Variants in ERP44 observed in about 807,000 individuals in gnomAD.
ERP44 encodes the protein endoplasmic reticulum protein 44, also known as endoplasmic reticulum resident protein 44.
ERP44 carries 25 observed loss-of-function variants against 53.4 expected under a neutral mutation model. The ratio of observed to expected loss-of-function variants is 0.47; its 90% confidence interval spans 0.34 to 0.65. The LOEUF (loss-of-function observed/expected upper bound fraction) is 0.65. Ranked by LOEUF, ERP44 falls within the 30% of genes least tolerant of loss-of-function variation. ERP44 has a pLI of 0.01. For synonymous variants in ERP44, 145 were observed against 161.2 expected, an observed-to-expected ratio of 0.90 and a Z score of 0.76; for missense variants, 338 against 493.2, an observed-to-expected ratio of 0.69 and a Z score of 2.98.
chr9:99,986,352 T>C (rs1830195538), intron 10 of ERP44, among the ~76,000 whole-genome samples: 1 of 152,214 alleles, frequency 6.6e-6, no homozygotes. Flanking sequence ...TAAGCATTTT[T>C]TTCATTGCTT....
intron 1 of ERP44, among the ~76,000 whole-genome samples, chr9:100,078,928 G>A (rs1826388957): frequency 6.6e-6 from 1 of 152,146 alleles, no homozygotes; most frequent in East Asian, 1.9e-4. Flanking sequence ...TATTATGTTA[G>A]GCATAATTAT....
At chr9:100,001,827 T>G (rs552795573) in intron 10 of ERP44, among the ~76,000 whole-genome samples, 8 of 152,322 alleles carry the variant, frequency 5.3e-5, no homozygotes, top group African/African-American at 1.9e-4. Context: ...AATTAATTAT[T>G]GATGGGTAAA....
chr9:100,056,409 T>C (rs1261028974), intron 3 of ERP44, among the ~76,000 whole-genome samples: 1 of 152,254 alleles, frequency 6.6e-6, no homozygotes, highest in African/African-American at 2.4e-5. Flanking sequence ...GTAGACATTA[T>C]GTACTTATCA....
At chr9:100,026,879 A>G (rs546396705) in intron 4 of ERP44, among the ~76,000 whole-genome samples, 1 of 152,044 alleles carries the variant, frequency 6.6e-6, no homozygotes, top group Non-Finnish European at 1.5e-5. Context: ...TACAAAACAT[A>G]TATTTTCCAC....
At chr9:100,074,524 C>T (rs1244258963) in intron 1 of ERP44, among the ~76,000 whole-genome samples, 2 of 152,106 alleles carry the variant, frequency 1.3e-5, no homozygotes, top group Admixed American at 1.3e-4. Context: ...AGAATCATGG[C>T]CCCTCGATCA....
At chr9:100,097,263 A>G (rs1826645022) in intron 1 of ERP44, among the ~76,000 whole-genome samples, 2 of 152,194 alleles carry the variant, frequency 1.3e-5, no homozygotes, top group Admixed American at 1.3e-4. Context: ...TAGCTTTACA[A>G]CCAAACCATA....
At position 100,098,823 on chromosome 9, in the gene ERP44, G is replaced by A; in HGVS notation, c.18C>T (p.Phe6=). The change falls in exon 1 of 12, where the codon TTC becomes TTT. Residue 6 remains phenylalanine, a synonymous_variant. Transcript: ENST00000262455. The part of the protein sequence containing the change: MHPAV[F]LSLPDLRCSL... The stretch of plus-strand genomic sequence containing the variant: ...AGCATCTGAGGTCGGGTAAGGATAG[G>A]AAGACGGCAGGATGCATGGTAACGC... 1 of 1,613,828 alleles carries A rather than the reference G, an allele frequency of 6.2e-7. No individual in the cohort carries two copies. The highest frequency in any genetic ancestry group is 8.5e-7 in the Non-Finnish European group (1 of 1,179,828).
At chr9:100,046,660 G>A (rs770470431) in intron 4 of ERP44, among the ~76,000 whole-genome samples, 33 of 152,224 alleles carry the variant, frequency 2.2e-4, no homozygotes, top group South Asian at 4.1e-4. Flanking sequence ...TCATGGATTC[G>A]AAGAATCAGT....
intron 1 of ERP44, among the ~76,000 whole-genome samples, chr9:100,064,786 T>G (rs954653367): frequency 6.6e-6 from 1 of 150,960 alleles, no homozygotes; most frequent in Non-Finnish European, 1.5e-5. Flanking sequence ...TCTAGGCTAA[T>G]GTGTGTATTT....
intron 1 of ERP44, among the ~76,000 whole-genome samples, chr9:100,074,760 G>A (rs557318741): frequency 6.6e-6 from 1 of 152,330 alleles, no homozygotes; most frequent in African/African-American, 2.4e-5. Flanking sequence ...CTGAGCTGAT[G>A]TTGATTCCAG....
chr9:100,014,815 T>C (rs942209759), intron 8 of ERP44, among the ~76,000 whole-genome samples: 8 of 152,186 alleles, frequency 5.3e-5, no homozygotes, highest in Admixed American at 5.2e-4. Context: ...TGAAAAAAAT[T>C]GTCCACCCTC....
rs990699436 is a variant in ERP44 at position 99,979,265 on chromosome 9, C to T, written c.*3347G>A. On this transcript the variant is annotated 3_prime_UTR_variant, in exon 12 of 12. Transcript: ENST00000262455. ...AAAAAAACTGAGTTATTCTGTTCTTCCTGATTGTCAATCCATTACACTACT... is the reference window on the plus strand; with the variant it reads ...AAAAAAACTGAGTTATTCTGTTCTTTCTGATTGTCAATCCATTACACTACT... 6.6e-6 allele frequency: 1 copy of T among 150,452 alleles called. No homozygotes were observed. The highest frequency in any genetic ancestry group is 2.4e-5 in the African/African-American group (1 of 41,098). The allele number at this position is 150,452 out of a possible 1,614,324, so 9.3% of individuals were successfully genotyped here.
intron 4 of ERP44, among the ~76,000 whole-genome samples, chr9:100,023,491 C>T (rs1348324796): frequency 2.0e-5 from 3 of 149,564 alleles, no homozygotes; most frequent in Middle Eastern, 3.4e-3. Context: ...TACAGTGGCA[C>T]GATCACAGCT....
intron 10 of ERP44, among the ~76,000 whole-genome samples, chr9:99,993,002 C>T (rs1402691621): frequency 4.6e-5 from 7 of 152,068 alleles, no homozygotes; most frequent in Non-Finnish European, 7.4e-5. Flanking sequence ...CACTGCTCAA[C>T]GAATTAAAAG....
chr9:100,020,609 T>C lies in ERP44; in HGVS notation c.587+7A>G. On this transcript the variant is annotated splice_region_variant and intron_variant, in intron 6 of 11. Transcript: ENST00000262455. Reference sequence around the variant, plus strand: ...CCCACTAACACACTTTTAAATAAGATACTTACCCAAATGCAGAAAGAAAGG... The same window carrying C: ...CCCACTAACACACTTTTAAATAAGACACTTACCCAAATGCAGAAAGAAAGG... 1.3e-6 allele frequency: 2 copies of C among 1,490,250 alleles called. No homozygotes were observed. The highest frequency in any genetic ancestry group is 9.4e-7 in the Non-Finnish European group (1 of 1,068,044). 92.3% of individuals were successfully genotyped at this position (1,490,250 alleles called of 1,614,324 possible).
chr9:100,076,749 T>A (rs1826361256), intron 1 of ERP44, among the ~76,000 whole-genome samples: 1 of 152,334 alleles, frequency 6.6e-6, no homozygotes, highest in African/African-American at 2.4e-5. Flanking sequence ...GATATTTGTA[T>A]CCCATGTGAG....
Position 99,979,828 on chromosome 9 carries a change from G to A in ERP44, c.*2784C>T, listed in dbSNP as rs959100861. On this transcript the variant is annotated 3_prime_UTR_variant, in exon 12 of 12. Transcript: ENST00000262455. ...GGGGGAACAAGTCTAAATTTGAGAC[G>A]TGCTTCCACACTATTCTTTCTCAAA... 6.3e-5 allele frequency: 25 copies of A among 396,606 alleles called. No individual in the cohort carries two copies. The highest frequency in any genetic ancestry group is 2.9e-4 in the African/African-American group (14 of 48,592). 24.6% of individuals were successfully genotyped at this position (396,606 alleles called of 1,614,324 possible).
intron 1 of ERP44, among the ~76,000 whole-genome samples, chr9:100,094,669 T>A (rs969123116): frequency 1.3e-5 from 2 of 151,036 alleles, no homozygotes; most frequent in South Asian, 2.1e-4. Context: ...AAAAAAAAAT[T>A]AAAAAAAAAT....
At chr9:100,025,193 C>A (rs1201100220) in intron 4 of ERP44, among the ~76,000 whole-genome samples, 5 of 152,126 alleles carry the variant, frequency 3.3e-5, no homozygotes, top group Non-Finnish European at 7.3e-5. Flanking sequence ...GTAAATTCTA[C>A]CAAACATTTA....
Sources: gnomAD v4.1 joint callset for allele counts (sites outside exome capture counted in the v4.1 genomes callset) on GRCh38, gnomAD v4.1.1 for gene constraint, MANE v1.5 for transcripts, NCBI Gene and HGNC (gene_info 2026-07-23, HGNC 2026-07-21) for gene names.